ATRNL1: variants seen among roughly 807,000 people sequenced by gnomAD.
The protein encoded by ATRNL1 is attractin-like protein 1.
Under a neutral mutation model 182.7 loss-of-function variants are expected in ATRNL1, and 95 were observed. The observed-to-expected ratio is 0.52, with a 90% CI of 0.44 to 0.62. The LOEUF (loss-of-function observed/expected upper bound fraction) is 0.62, where lower values mean the gene tolerates loss of function less well. Among genes scored for constraint, ATRNL1 ranks in the 20% least tolerant of loss-of-function variants. ATRNL1 has a pLI of 0.00. For missense variants in ATRNL1, 1,471 were observed against 1,679.5 expected (o/e 0.88, Z 2.17); for synonymous variants, 576 against 568.3 (o/e 1.01, Z -0.19).
intron 19 of ATRNL1, among the ~76,000 whole-genome samples, chr10:115,385,232 A>G (rs1014049837): frequency 1.3e-5 from 2 of 152,010 alleles, no homozygotes; most frequent in Non-Finnish European, 2.9e-5. Flanking sequence ...ACCTTTTTAC[A>G]TTTTAGCCAT....
chr10:115,354,286 G>T (rs1358670647), intron 19 of ATRNL1, among the ~76,000 whole-genome samples: 1 of 152,010 alleles, frequency 6.6e-6, no homozygotes, highest in Non-Finnish European at 1.5e-5. Flanking sequence ...GCTTTCAGAT[G>T]TTTTCTTGTT....
At chr10:115,195,943 G>C (rs1268788379) in intron 8 of ATRNL1, among the ~76,000 whole-genome samples, 1 of 152,048 alleles carries the variant, frequency 6.6e-6, no homozygotes, top group Non-Finnish European at 1.5e-5. Flanking sequence ...TTTGTCCTCA[G>C]ATATTTGTGA....
intron 28 of ATRNL1, among the ~76,000 whole-genome samples, chr10:115,893,526 A>C (rs1435534558): frequency 6.6e-6 from 1 of 152,202 alleles, no homozygotes; most frequent in Non-Finnish European, 1.5e-5. Flanking sequence ...TAGATGATAT[A>C]GCATAATTCG....
chr10:115,630,754 A>G (rs1858434117), intron 26 of ATRNL1, among the ~76,000 whole-genome samples: 1 of 147,618 alleles, frequency 6.8e-6, no homozygotes, highest in Non-Finnish European at 1.5e-5. Flanking sequence ...TTTAAGATAT[A>G]TATTTAATAG....
At chr10:115,115,374 A>G (rs920467969) in intron 1 of ATRNL1, among the ~76,000 whole-genome samples, 6 of 152,150 alleles carry the variant, frequency 3.9e-5, no homozygotes, top group African/African-American at 1.2e-4. Flanking sequence ...TGTATTTCAT[A>G]TACTACATTG....
At chr10:115,250,011 C>G (rs1850807515) in intron 10 of ATRNL1, among the ~76,000 whole-genome samples, 1 of 152,158 alleles carries the variant, frequency 6.6e-6, no homozygotes, top group African/African-American at 2.4e-5. Flanking sequence ...ACATATCAAG[C>G]TGGCATATTT....
intron 1 of ATRNL1, among the ~76,000 whole-genome samples, chr10:115,099,394 T>C (rs2085103189): frequency 1.3e-5 from 2 of 152,246 alleles, no homozygotes; most frequent in Non-Finnish European, 2.9e-5. Flanking sequence ...CGAAGTTTCA[T>C]GTGGAAGCCT....
intron 28 of ATRNL1, among the ~76,000 whole-genome samples, chr10:115,860,228 C>T (rs1017799300): frequency 6.6e-6 from 1 of 152,294 alleles, no homozygotes; most frequent in Admixed American, 6.5e-5. Context: ...AACCTGCTGT[C>T]TGATATAATT....
At chr10:115,685,468 T>TA (rs1555046055) in intron 26 of ATRNL1, among the ~76,000 whole-genome samples, 207 of 151,904 alleles carry the variant, frequency 1.4e-3, no homozygotes, top group African/African-American at 4.6e-3. Flanking sequence ...TGGCATATAA[T>TA]AAGTATTCCA....
intron 26 of ATRNL1, among the ~76,000 whole-genome samples, chr10:115,705,230 A>G (rs1403880932): frequency 6.6e-6 from 1 of 151,922 alleles, no homozygotes; most frequent in African/African-American, 2.4e-5. Context: ...CTGGATCCTG[A>G]GAACTAAAAA....
intron 28 of ATRNL1, among the ~76,000 whole-genome samples, chr10:115,853,839 TAAG>T (rs1364799522): frequency 9.2e-5 from 14 of 152,272 alleles, no homozygotes; most frequent in Non-Finnish European, 1.8e-4. Context: ...ACAACAGAGA[TAAG>T]AACAAATATC....
At chr10:115,410,436 C>T (rs1306582859) in intron 20 of ATRNL1, among the ~76,000 whole-genome samples, 2 of 151,990 alleles carry the variant, frequency 1.3e-5, no homozygotes, top group African/African-American at 4.8e-5. Flanking sequence ...ATTCTCCTGC[C>T]TCAGCCTCCC....
chr10:115,463,963 T>A (rs79100757), intron 22 of ATRNL1, among the ~76,000 whole-genome samples: 1 of 152,066 alleles, frequency 6.6e-6, no homozygotes, highest in Admixed American at 6.6e-5. Flanking sequence ...TCCACAGTAT[T>A]GTCCATAGTG....
At chr10:115,796,967 A>G (rs535884370) in intron 27 of ATRNL1, among the ~76,000 whole-genome samples, 1 of 152,350 alleles carries the variant, frequency 6.6e-6, no homozygotes, top group African/African-American at 2.4e-5. Flanking sequence ...AATATAGGCA[A>G]GTGAATTAGT....
chr10:115,190,560 CAT>C (rs1491449578), intron 8 of ATRNL1, among the ~76,000 whole-genome samples: 1 of 151,910 alleles, frequency 6.6e-6, no homozygotes, highest in Non-Finnish European at 1.5e-5. Context: ...GTACTTATAA[CAT>C]TTTTTATTTT....
intron 19 of ATRNL1, among the ~76,000 whole-genome samples, chr10:115,358,194 C>T (rs565104232): frequency 1.2e-4 from 18 of 151,736 alleles, no homozygotes; most frequent in African/African-American, 4.1e-4. Context: ...TATTTATAGA[C>T]TCTCTCCATT....
chr10:115,263,459 T>A (rs564546194), intron 10 of ATRNL1, among the ~76,000 whole-genome samples: 3 of 151,810 alleles, frequency 2.0e-5, no homozygotes, highest in Non-Finnish European at 4.4e-5. Flanking sequence ...CTTAAAAAAT[T>A]GAACACAGAA....
chr10:115,589,267 T>G (rs1855762213), intron 26 of ATRNL1, among the ~76,000 whole-genome samples: 1 of 152,192 alleles, frequency 6.6e-6, no homozygotes, highest in Non-Finnish European at 1.5e-5. Flanking sequence ...CAATGGTTAT[T>G]AGTTGCATAA....
At chr10:115,263,052 T>C (rs948841985) in intron 10 of ATRNL1, among the ~76,000 whole-genome samples, 15 of 151,776 alleles carry the variant, frequency 9.9e-5, no homozygotes, top group Non-Finnish European at 1.8e-4. Context: ...TATACCAACA[T>C]GACTTGTAAT....
Sources: gnomAD v4.1 joint callset for allele counts (sites outside exome capture counted in the v4.1 genomes callset) on GRCh38, gnomAD v4.1.1 for gene constraint, MANE v1.5 for transcripts, NCBI Gene and HGNC (gene_info 2026-07-23, HGNC 2026-07-21) for gene names.